The following PEX1 variants were observed in gnomAD, a reference collection of about 807,000 sequenced individuals.
The protein encoded by PEX1 is peroxisomal ATPase PEX1.
A neutral mutation model predicts 152.5 loss-of-function variants in PEX1; 97 were observed. The observed-to-expected ratio is 0.64, with a 90% confidence interval of 0.54 to 0.75. The LOEUF is 0.75. PEX1 is among the 30% of genes least tolerant of loss of function. PEX1 has a pLI of 0.00. For missense variants in PEX1, 1,357 were observed against 1,516.3 expected (o/e 0.89, Z 1.74); for synonymous variants, 485 against 531.6 (o/e 0.91, Z 1.21).
intron 13 of PEX1, 55 bp downstream of exon 13, chr7:92,502,986 A>G: frequency 6.8e-6 from 10 of 1,477,658 alleles, no homozygotes; most frequent in Non-Finnish European, 8.5e-6. Flanking sequence ...TAAAATTGAA[A>G]AATAATTTCT....
At chr7:92,502,747 A>G (rs1392193157) in intron 13 of PEX1, among the ~76,000 whole-genome samples, 1 of 152,222 alleles carries the variant, frequency 6.6e-6, no homozygotes, top group African/African-American at 2.4e-5. Context: ...GTGGAAAAAA[A>G]AAGTTTAATT....
At chr7:92,513,683 TA>T (rs1308374948) in intron 6 of PEX1, among the ~76,000 whole-genome samples, 164 bp downstream of exon 6, 16 of 152,116 alleles carry the variant, frequency 1.1e-4, no homozygotes, top group African/African-American at 2.4e-5. Flanking sequence ...ATTATACACT[TA>T]AAAATGGCGA....
chr7:92,522,199 C>A lies in PEX1; in HGVS notation c.176G>T (p.Ser59Ile). The A allele has an allele frequency of 6.2e-7, 1 of 1,614,096 alleles. No homozygotes were observed. The highest frequency in any genetic ancestry group is 8.5e-7 in the Non-Finnish European group (1 of 1,179,958). The change falls in exon 2 of 24, where the codon AGC (serine) becomes ATC (isoleucine). Residue 59 changes from serine (S) to isoleucine (I), a missense_variant. Transcript: ENST00000248633. ...VVWSHQPAFL[S>I]WVEGRHFSDQ... ...ACTAAAATGCCTGCCTTCCACCCAG[C>A]TCAAGAATGCAGGCTGGTGACTCCA... is the stretch of plus-strand genomic sequence containing the variant.
At position 92,489,702 on chromosome 7, in the gene PEX1, A is replaced by G. The variant is rs753149287; in HGVS notation, c.3636+12T>C. On this transcript the variant is annotated intron_variant, in intron 22 of 23. Coordinates refer to ENST00000248633, the MANE Select transcript of PEX1 (RefSeq NM_000466.3). ...AGTTTTAACAATTATAATGAGGGGG[A>G]AAAAGCCATACTCCACTTTGGCTCC... 21 of 1,604,234 alleles carry G rather than the reference A, an allele frequency of 1.3e-5. No homozygotes were observed. The highest frequency in any genetic ancestry group is 2.2e-5 in the East Asian group (1 of 44,844).
chr7:92,511,554 A>C, intron 7 of PEX1, 26 bp downstream of exon 7: 1 of 1,586,426 alleles, frequency 6.3e-7, no homozygotes, highest in Non-Finnish European at 8.6e-7. Context: ...AATAGAAAAA[A>C]AAGTCAAAAT....
intron 23 of PEX1, 48 bp downstream of exon 23, chr7:92,489,245 G>A: frequency 6.6e-7 from 1 of 1,522,328 alleles, no homozygotes; most frequent in Non-Finnish European, 9.1e-7. Context: ...GTAATACTAT[G>A]TCACTTGTAA....
intron 7 of PEX1, 70 bp downstream of exon 7, chr7:92,511,510 G>T: frequency 1.7e-6 from 2 of 1,190,370 alleles, no homozygotes; most frequent in Non-Finnish European, 2.4e-6. Context: ...GGTATGACAG[G>T]TTGCAAGAAC....
intron 2 of PEX1, among the ~76,000 whole-genome samples, chr7:92,521,865 G>A (rs981812788): frequency 1.3e-5 from 2 of 152,082 alleles, no homozygotes; most frequent in African/African-American, 4.8e-5. Context: ...AAAATTAGGG[G>A]ATGTGGAAAA....
chr7:92,518,050 G>C lies in PEX1; in HGVS notation c.473-8C>G. The C allele has an allele frequency of 6.2e-7, 1 of 1,614,024 alleles. No individual in the cohort carries two copies. Among genetic ancestry groups the C allele is most frequent in the Non-Finnish European group, 8.5e-7 (1 of 1,179,948 alleles). On this transcript the variant is annotated splice_polypyrimidine_tract_variant and splice_region_variant and intron_variant, in intron 4 of 23. Transcript: ENST00000248633. ...CAGCTGGTATTAGTGCAACTGTGTA[G>C]AAAATAAAGCTCATTAGTGCACATT...
rs778758075 is a variant in PEX1 at position 92,494,494 on chromosome 7, G to A, written c.2919C>T (p.Gly973=). 1 of 1,613,552 alleles carries A rather than the reference G, an allele frequency of 6.2e-7. No homozygotes were observed. The highest frequency in any genetic ancestry group is 1.7e-5 in the Admixed American group (1 of 60,018). The change falls in exon 18 of 24, where the codon GGC becomes GGT. Residue 973 remains glycine (G), a synonymous_variant. Coordinates refer to ENST00000248633, the MANE Select transcript of PEX1 (RefSeq NM_000466.3). ...QLLTQLDGVE[G]LQGVYVLAAT... is the part of the protein sequence containing the mutation. ...TGTATTTATAATTATTACCCTGTAAGCCTTCTACTCCATCCAACTGAGTCA... is the reference window on the plus strand; with the variant it reads ...TGTATTTATAATTATTACCCTGTAAACCTTCTACTCCATCCAACTGAGTCA...
At chr7:92,528,159 C>G (rs892623708) in intron 1 of PEX1, 148 bp downstream of exon 1, 3 of 1,005,148 alleles carry the variant, frequency 3.0e-6, no homozygotes, top group Non-Finnish European at 2.9e-6. Flanking sequence ...CAGAGACTAC[C>G]CAGAAGGGCC....
intron 6 of PEX1, 86 bp downstream of exon 6, chr7:92,513,759 TACA>T: frequency 1.1e-6 from 1 of 948,080 alleles, no homozygotes; most frequent in South Asian, 1.4e-5. Flanking sequence ...CAAAAAGGAA[TACA>T]ACATTCTTAT....
rs533714070 is a variant in PEX1 at position 92,509,472 on chromosome 7, C to G, written c.1588-61G>C. 22 of 1,230,836 alleles carry G rather than the reference C, an allele frequency of 1.8e-5. No individual in the cohort carries two copies. In the African/African-American group the frequency reaches 2.4e-4, roughly 13 times the overall value. 76.2% of individuals were successfully genotyped at this position (1,230,836 alleles called of 1,614,324 possible). A position where few individuals can be genotyped will look rare whatever the true frequency, so the allele number is the denominator to read the frequency against. On this transcript the variant is annotated intron_variant, in intron 8 of 23. Coordinates refer to ENST00000248633, the MANE Select transcript of PEX1 (RefSeq NM_000466.3). ...AAGTATGTCTTTTGCATGTTTTTCT[C>G]GGGTCCCAGAAAACTAAATTGCTGA...
At chr7:92,494,222 G>A (rs1791519736) in intron 19 of PEX1, 71 bp downstream of exon 19, 1 of 1,125,436 alleles carries the variant, frequency 8.9e-7, no homozygotes. Context: ...CCATTACCTG[G>A]CAGAAGTAAA....
intron 13 of PEX1, among the ~76,000 whole-genome samples, 181 bp from the exon 14 acceptor site, chr7:92,502,260 A>C (rs1791967571): frequency 6.6e-6 from 1 of 152,164 alleles, no homozygotes; most frequent in South Asian, 2.1e-4. Context: ...TGGAGTGATG[A>C]AAATGTTTGT....
intron 2 of PEX1, among the ~76,000 whole-genome samples, chr7:92,519,397 T>C (rs199738961): frequency 3.2e-4 from 49 of 152,288 alleles, no homozygotes; most frequent in Non-Finnish European, 6.3e-4. Flanking sequence ...GCTATATGTG[T>C]AGTCTTTCAT....
At chr7:92,511,749 T>C in intron 6 of PEX1, 46 bp from the exon 7 acceptor site, 1 of 1,555,764 alleles carries the variant, frequency 6.4e-7, no homozygotes, top group Non-Finnish European at 8.8e-7. Flanking sequence ...TATCTGAACT[T>C]AACTTTAACA....
Position 92,513,895 on chromosome 7 carries a change from T to C in PEX1, c.1312A>G (p.Thr438Ala). 1 of 1,597,012 alleles carries C rather than the reference T, an allele frequency of 6.3e-7. No individual in the cohort carries two copies. Among genetic ancestry groups the C allele is most frequent in the South Asian group, 1.1e-5 (1 of 90,652 alleles). Residue 438 changes from threonine (T) to alanine (A), a missense_variant, in exon 6 of 24, where the codon ACC becomes GCC. Coordinates refer to ENST00000248633, the MANE Select transcript of PEX1 (RefSeq NM_000466.3). Reference sequence around the variant, plus strand: ...TTTAGAGATCTTGGAATTTTAGGGGTAACTTCCACTGGAGTTATCCTGACT... The same window carrying C: ...TTTAGAGATCTTGGAATTTTAGGGGCAACTTCCACTGGAGTTATCCTGACT... ...AVVRITPVEVTPKIPRSLKLQ... is the reference protein window; with the variant it reads ...AVVRITPVEVAPKIPRSLKLQ...
In PEX1 at chr7:92,491,494, A is replaced by G. The variant is rs140963147; in HGVS notation, c.3216T>C (p.Ser1072=). The G allele has an allele frequency of 8.3e-4, 1,324 of 1,600,362 alleles. No individual in the cohort carries two copies. The highest frequency in any genetic ancestry group is 1.0e-3 in the Non-Finnish European group (1,197 of 1,167,624). ...MLLSSGLQDG[S]SSSDSDLSLS... is the part of the protein sequence containing the mutation. The stretch of plus-strand genomic sequence containing the variant: ...GACTTAGGTCACTATCAGAGCTGGA[A>G]CTTCCATCCTAAAATACACAAAAGG... Residue 1072 remains serine, a synonymous_variant, in exon 21 of 24, where the codon AGT becomes AGC. Coordinates refer to ENST00000248633, the MANE Select transcript of PEX1 (RefSeq NM_000466.3).
Sources: allele counts gnomAD v4.1 joint callset (sites outside exome capture counted in the v4.1 genomes callset), GRCh38; gene constraint gnomAD v4.1.1; transcripts MANE v1.5; gene names NCBI Gene and HGNC (gene_info 2026-07-23, HGNC 2026-07-21).